The following COL21A1 variants were observed in gnomAD, a reference collection of about 807,000 sequenced individuals.
COL21A1 encodes collagen type XXI alpha 1 chain.
A neutral mutation model predicts 137.9 loss-of-function variants in COL21A1; 149 were observed. The ratio of observed to expected loss-of-function variants is 1.08; its 90% CI spans 0.95 to 1.24. The LOEUF (loss-of-function observed/expected upper bound fraction) is 1.24, where lower values mean the gene tolerates loss of function less well. COL21A1 is among the 50% of genes most tolerant of loss of function. The probability of loss-of-function intolerance (pLI) is 0.00; values close to 1 mark genes in which losing one functional copy is unlikely to be tolerated. For missense variants in COL21A1, 1,167 were observed against 1,158.4 expected (o/e 1.01, Z -0.11); for synonymous variants, 456 against 391.5 (o/e 1.16, Z -1.95).
chr6:56,122,908 T>C (rs762579458), intron 16 of COL21A1, among the ~76,000 whole-genome samples: 3 of 152,234 alleles, frequency 2.0e-5, no homozygotes, highest in Non-Finnish European at 2.9e-5. Flanking sequence ...CCAGAGAACA[T>C]ACAGCTAGTT....
chr6:56,244,600 G>A (rs561747226), intron 1 of COL21A1, among the ~76,000 whole-genome samples: 1 of 152,050 alleles, frequency 6.6e-6, no homozygotes, highest in Non-Finnish European at 1.5e-5. Context: ...GTATCCTAAT[G>A]AAGATCTGAT....
At chr6:56,328,525 G>C (rs1170780076) in intron 1 of COL21A1, among the ~76,000 whole-genome samples, 1 of 151,736 alleles carries the variant, frequency 6.6e-6, no homozygotes, top group East Asian at 1.9e-4. Context: ...ATTATACAAG[G>C]AAAAAAATAA....
chr6:56,178,704 C>A (rs1393801536), intron 3 of COL21A1, among the ~76,000 whole-genome samples: 1 of 151,958 alleles, frequency 6.6e-6, no homozygotes, highest in Non-Finnish European at 1.5e-5. Flanking sequence ...TATCTATGCC[C>A]TAATAGGATT....
intron 10 of COL21A1, among the ~76,000 whole-genome samples, chr6:56,151,392 C>T (rs1775311704): frequency 6.6e-6 from 1 of 152,186 alleles, no homozygotes; most frequent in Admixed American, 6.5e-5. Flanking sequence ...CCTTCAGTAG[C>T]TGTACTCCTC....
intron 1 of COL21A1, among the ~76,000 whole-genome samples, chr6:56,343,688 C>G (rs1159312207): frequency 6.6e-6 from 1 of 152,134 alleles, no homozygotes; most frequent in African/African-American, 2.4e-5. Flanking sequence ...TGTCTGTAAT[C>G]CCAGTACTTT....
At chr6:56,074,414 C>A in intron 19 of COL21A1, 129 bp from the exon 20 acceptor site, 1 of 572,778 alleles carries the variant, frequency 1.7e-6, no homozygotes, top group Non-Finnish European at 2.9e-6. Flanking sequence ...AAATATAATA[C>A]AATATTTAGA....
At position 56,122,172 on chromosome 6, in the gene COL21A1, A is replaced by G. The variant is rs1210521552; in HGVS notation, c.1758+1890T>C. Among the ~76,000 whole-genome samples the G allele has an allele frequency of 2.0e-5, 3 of 151,138 alleles. 1 individual carries two copies. The highest frequency in any genetic ancestry group is 4.2e-4 in the South Asian group (2 of 4,778). ...AAAAGGCCATATATTACATCTTTCC[A>G]TTTACATGAAATGTCCAGAATACAC... On this transcript the variant is annotated intron_variant, in intron 16 of 29. Transcript: ENST00000244728.
At chr6:56,272,392 AT>A (rs1433367858) in intron 1 of COL21A1, among the ~76,000 whole-genome samples, 1 of 145,660 alleles carries the variant, frequency 6.9e-6, no homozygotes. Flanking sequence ...CTGCACCCCC[AT>A]TGTATCTTGG....
intron 10 of COL21A1, among the ~76,000 whole-genome samples, chr6:56,143,499 C>A (rs139672033): frequency 1.3e-5 from 2 of 152,066 alleles, no homozygotes; most frequent in Non-Finnish European, 2.9e-5. Context: ...TGCACCCGGC[C>A]GACTATACAA....
intron 1 of COL21A1, among the ~76,000 whole-genome samples, chr6:56,211,113 A>T (rs1372358624): frequency 6.7e-6 from 1 of 148,588 alleles, no homozygotes; most frequent in Non-Finnish European, 1.5e-5. Context: ...ATAAATATAT[A>T]TAATCTTTAT....
At chr6:56,200,477 C>A (rs951546999) in intron 1 of COL21A1, among the ~76,000 whole-genome samples, 4 of 119,142 alleles carry the variant, frequency 3.4e-5, no homozygotes, top group African/African-American at 1.3e-4. Flanking sequence ...CACAACAGGC[C>A]CTAGTGTGAT....
At chr6:56,104,107 C>A (rs1770677331) in intron 16 of COL21A1, among the ~76,000 whole-genome samples, 1 of 152,104 alleles carries the variant, frequency 6.6e-6, no homozygotes, top group Admixed American at 6.5e-5. Context: ...ATTTGCTTGA[C>A]TTGCACATTC....
Position 56,168,261 on chromosome 6 carries a change from A to G in COL21A1, c.1063T>C (p.Leu355=). ...AAAGTCACATCTTGTTCTGTTACTAAGAGACGAATTTGGTGCCAGCCTTCA... is the reference window on the plus strand; with the variant it reads ...AAAGTCACATCTTGTTCTGTTACTAGGAGACGAATTTGGTGCCAGCCTTCA... ...FDEGWHQIRL[L]VTEQDVTLYI... The change falls in exon 6 of 30, where the codon TTA becomes CTA. Residue 355 remains leucine (L), a synonymous_variant. Coordinates refer to ENST00000244728, the MANE Select transcript of COL21A1 (RefSeq NM_030820.4). The G allele has an allele frequency of 6.4e-7, 1 of 1,557,714 alleles. No individual in the cohort carries two copies. The highest frequency in any genetic ancestry group is 8.7e-7 in the Non-Finnish European group (1 of 1,146,832).
chr6:56,148,338 C>CAGAGAGAGAGATAGAGAGAGAG (rs1775004338), intron 10 of COL21A1, among the ~76,000 whole-genome samples: 1 of 133,176 alleles, frequency 7.5e-6, no homozygotes, highest in Non-Finnish European at 1.6e-5. Flanking sequence ...AGACAAGAGA[C>CAGAGAGAGAGATAGAGAGAGAG]AGAGAGAGAG....
chr6:56,252,673 C>T (rs542691921), intron 1 of COL21A1, among the ~76,000 whole-genome samples: 3 of 152,232 alleles, frequency 2.0e-5, no homozygotes, highest in East Asian at 1.9e-4. Context: ...ATTGGTTTAG[C>T]TTGGGTCACC....
At chr6:56,079,938 T>TAA (rs1767602388) in intron 17 of COL21A1, among the ~76,000 whole-genome samples, 1 of 151,596 alleles carries the variant, frequency 6.6e-6, no homozygotes, top group Non-Finnish European at 1.5e-5. Context: ...AAAACTAATA[T>TAA]AATACCACAA....
intron 16 of COL21A1, among the ~76,000 whole-genome samples, chr6:56,104,940 G>A (rs2152174871): frequency 6.6e-6 from 1 of 152,294 alleles, no homozygotes; most frequent in Admixed American, 6.5e-5. Flanking sequence ...TACTGATCAT[G>A]AAAATATAGT....
chr6:56,216,757 T>C (rs1220630085), intron 1 of COL21A1, among the ~76,000 whole-genome samples: 1 of 152,090 alleles, frequency 6.6e-6, no homozygotes, highest in Non-Finnish European at 1.5e-5. Flanking sequence ...AGGCCAAAAC[T>C]TCTTAACACA....
At chr6:56,287,258 T>G (rs4128445) in intron 1 of COL21A1, among the ~76,000 whole-genome samples, 1 of 151,626 alleles carries the variant, frequency 6.6e-6, no homozygotes, top group African/African-American at 2.4e-5. Context: ...TGTGGCCCTG[T>G]GGTGGAAAAA....
Sources: allele counts gnomAD v4.1 joint callset (sites outside exome capture counted in the v4.1 genomes callset), GRCh38; gene constraint gnomAD v4.1.1; transcripts MANE v1.5; gene names NCBI Gene and HGNC (gene_info 2026-07-23, HGNC 2026-07-21).